Variants in TRABD2B observed in about 807,000 individuals in gnomAD.
TRABD2B encodes the protein TraB domain containing 2B.
In TRABD2B, 14 loss-of-function variants were observed where a neutral mutation model predicts 40.1. That is an observed-to-expected ratio of 0.35 (90% CI 0.23 to 0.55). TRABD2B has a LOEUF of 0.55. Ranked by LOEUF, TRABD2B falls within the 20% of genes least tolerant of loss-of-function variation. TRABD2B has a pLI of 0.90. For synonymous variants in TRABD2B, 263 were observed against 277.0 expected (o/e 0.95, Z 0.50); for missense variants, 541 against 648.6 (o/e 0.83, Z 1.80).
At chr1:47,777,257 G>C (rs1644460193) in intron 5 of TRABD2B, among the ~76,000 whole-genome samples, 1 of 152,206 alleles carries the variant, frequency 6.6e-6, no homozygotes. Context: ...AGAAGGCTTT[G>C]TCCCTGAGGC....
At chr1:47,965,403 A>G (rs1645588556) in intron 2 of TRABD2B, among the ~76,000 whole-genome samples, 1 of 151,572 alleles carries the variant, frequency 6.6e-6, no homozygotes, top group African/African-American at 2.4e-5. Context: ...AAAAAAAAAA[A>G]TCTCCTTGGG....
chr1:47,813,731 C>G lies in TRABD2B; in HGVS notation c.667-12112G>C, dbSNP rs902837983. Among the ~76,000 whole-genome samples the G allele has an allele frequency of 5.9e-5, 9 of 152,142 alleles. No homozygotes were observed. The highest frequency in any genetic ancestry group is 2.2e-4 in the African/African-American group (9 of 41,422). Reference sequence around the variant, plus strand: ...ACACACTTTAAGAAATTTCTGTTCCCTAAGCACCGGGGTGGGTCCCAGTTG... The same window carrying G: ...ACACACTTTAAGAAATTTCTGTTCCGTAAGCACCGGGGTGGGTCCCAGTTG... On this transcript the variant is annotated intron_variant, in intron 2 of 6. Coordinates refer to ENST00000606738, the MANE Select transcript of TRABD2B (RefSeq NM_001194986.2). This position sits in a 1 kb window ranked among gnomAD's most constrained non-coding sequence, Gnocchi z 4.3.
Position 47,960,740 on chromosome 1 carries a change from C to T in TRABD2B, c.666+33294G>A, listed in dbSNP as rs551624635. On this transcript the variant is annotated intron_variant, in intron 2 of 6. Transcript: ENST00000606738. ...CCCAAACAAACAGAAGAACATTCCA[C>T]GCTCATGGATAGGAAGAATCAATAT... Among the ~76,000 whole-genome samples, 7 of 152,280 alleles carry T rather than the reference C, an allele frequency of 4.6e-5. No individual in the cohort carries two copies. In the East Asian group the frequency reaches 5.8e-4, roughly 13 times the overall value.
At position 47,762,614 on chromosome 1, in the gene TRABD2B, G is replaced by T. The variant is rs1644255872; in HGVS notation, c.*3288C>A. 6.6e-6 allele frequency: 1 copy of T among 152,124 alleles called. No homozygotes were observed. The highest frequency in any genetic ancestry group is 1.5e-5 in the Non-Finnish European group (1 of 68,024). The allele number at this position is 152,124 out of a possible 1,614,324, so 9.4% of individuals were successfully genotyped here. ...TTTAGCATGAAGAAAATATGCTTAG[G>T]GTCTTTCAATGCAAGGACAAATTTG... is the stretch of plus-strand genomic sequence containing the variant. On this transcript the variant is annotated 3_prime_UTR_variant, in exon 7 of 7. Transcript: ENST00000606738.
At chr1:47,892,230 C>A (rs1644457704) in intron 2 of TRABD2B, among the ~76,000 whole-genome samples, 1 of 152,192 alleles carries the variant, frequency 6.6e-6, no homozygotes, top group Non-Finnish European at 1.5e-5. Context: ...ACAGAAACTG[C>A]TGACAGACTG....
At chr1:47,855,991 C>T (rs566953126) in intron 2 of TRABD2B, among the ~76,000 whole-genome samples, 22 of 152,290 alleles carry the variant, frequency 1.4e-4, no homozygotes, top group African/African-American at 4.1e-4. Flanking sequence ...TGAAAAATGC[C>T]CCAGACCCTG....
At chr1:47,984,223 C>G (rs1357364150) in intron 2 of TRABD2B, among the ~76,000 whole-genome samples, 1 of 152,232 alleles carries the variant, frequency 6.6e-6, no homozygotes, top group Non-Finnish European at 1.5e-5. Context: ...CAGGGCTGGC[C>G]GCGCGCCGCG....
intron 2 of TRABD2B, among the ~76,000 whole-genome samples, chr1:47,844,860 GTCAGACTC>G (rs1272432892): frequency 6.6e-6 from 1 of 152,196 alleles, no homozygotes; most frequent in Non-Finnish European, 1.5e-5. Flanking sequence ...GACACTCAGA[GTCAGACTC>G]TCAGGTGGCT....
chr1:47,905,468 T>C (rs1644662760), intron 2 of TRABD2B, among the ~76,000 whole-genome samples: 1 of 152,152 alleles, frequency 6.6e-6, no homozygotes, highest in Non-Finnish European at 1.5e-5. Flanking sequence ...GAGTACATGT[T>C]GCAACCTACC....
At chr1:47,971,903 A>G (rs911449443) in intron 2 of TRABD2B, among the ~76,000 whole-genome samples, 3 of 152,182 alleles carry the variant, frequency 2.0e-5, no homozygotes, top group Admixed American at 2.0e-4. Context: ...CTTATCAAAG[A>G]TTGTGCTTTT....
intron 2 of TRABD2B, among the ~76,000 whole-genome samples, chr1:47,916,487 G>A (rs1341855608): frequency 1.3e-5 from 2 of 152,244 alleles, no homozygotes; most frequent in Non-Finnish European, 2.9e-5. Flanking sequence ...GGCTGGAACA[G>A]CTAATTACTG....
chr1:47,794,559 C>G (rs1409723072), intron 4 of TRABD2B, 27 bp downstream of exon 4: 10 of 1,492,058 alleles, frequency 6.7e-6, no homozygotes, highest in African/African-American at 1.4e-5. Flanking sequence ...ATTCTGCAAA[C>G]AATCCCTTCC....
At chr1:47,980,097 A>AC (rs1339703330) in intron 2 of TRABD2B, among the ~76,000 whole-genome samples, 1 of 151,980 alleles carries the variant, frequency 6.6e-6, no homozygotes, top group African/African-American at 2.4e-5. Context: ...CCATCATGTG[A>AC]CCCCTATGTG....
intron 2 of TRABD2B, among the ~76,000 whole-genome samples, chr1:47,890,196 T>C (rs1644425304): frequency 6.6e-6 from 1 of 152,218 alleles, no homozygotes; most frequent in South Asian, 2.1e-4. Flanking sequence ...TATCAGTAGC[T>C]GTGGTTGGAA....
chr1:47,948,455 C>A (rs746744731), intron 2 of TRABD2B, among the ~76,000 whole-genome samples: 2 of 152,244 alleles, frequency 1.3e-5, no homozygotes, highest in East Asian at 3.8e-4. Flanking sequence ...TTTACCTCTT[C>A]TTGCCCCTGG....
At chr1:47,992,857 G>A (rs1646031582) in intron 2 of TRABD2B, among the ~76,000 whole-genome samples, 1 of 152,216 alleles carries the variant, frequency 6.6e-6, no homozygotes, top group Non-Finnish European at 1.5e-5. Context: ...AATTATGGGA[G>A]AGCCAGCAGG....
At chr1:47,937,898 CA>C (rs1349207412) in intron 2 of TRABD2B, among the ~76,000 whole-genome samples, 7 of 152,160 alleles carry the variant, frequency 4.6e-5, no homozygotes, top group African/African-American at 1.4e-4. Context: ...AGGATTGAAG[CA>C]GGGGCAGTGC....
At chr1:47,833,809 G>A (rs2124459400) in intron 2 of TRABD2B, among the ~76,000 whole-genome samples, 1 of 152,332 alleles carries the variant, frequency 6.6e-6, no homozygotes, top group Middle Eastern at 3.4e-3. Context: ...GTGGACTAAG[G>A]ACCTCTGAAA....
intron 2 of TRABD2B, among the ~76,000 whole-genome samples, chr1:47,892,665 A>T (rs1335648408): frequency 6.6e-6 from 1 of 152,220 alleles, no homozygotes; most frequent in African/African-American, 2.4e-5. Context: ...TGAGTGAAGG[A>T]CATATTTCAA....
Sources: allele counts gnomAD v4.1 joint callset (sites outside exome capture counted in the v4.1 genomes callset), GRCh38; gene constraint gnomAD v4.1.1; non-coding constraint Gnocchi (gnomAD v3.1); transcripts MANE v1.5; gene names NCBI Gene and HGNC (gene_info 2026-07-23, HGNC 2026-07-21).